Variants in CHRM3 observed in about 807,000 individuals in gnomAD.
CHRM3 encodes muscarinic acetylcholine receptor M3.
In CHRM3, 11 loss-of-function variants were observed where a neutral mutation model predicts 41.8. That is an observed-to-expected ratio of 0.26 (90% CI 0.17 to 0.44). The LOEUF is 0.44. Among genes scored for constraint, CHRM3 ranks in the 20% least tolerant of loss-of-function variants. The probability of loss-of-function intolerance (pLI) is 1.00; values close to 1 mark genes in which losing one functional copy is unlikely to be tolerated. For synonymous variants in CHRM3, 297 were observed against 301.4 expected, an observed-to-expected ratio of 0.99 and a Z score of 0.15; for missense variants, 571 against 745.4, an observed-to-expected ratio of 0.77 and a Z score of 2.72.
At chr1:239,510,183 A>C (rs1380266984) in intron 2 of CHRM3, among the ~76,000 whole-genome samples, 1 of 152,226 alleles carries the variant, frequency 6.6e-6, no homozygotes, top group Non-Finnish European at 1.5e-5. Flanking sequence ...GTTGACATTT[A>C]AGATTGATTC....
At position 239,714,208 on chromosome 1, in the gene CHRM3, C is replaced by G. The variant is rs553476921; in HGVS notation, c.-147+35920C>G. On this transcript the variant is annotated intron_variant, in intron 5 of 6. Coordinates refer to ENST00000676153, the MANE Select transcript of CHRM3 (RefSeq NM_001375978.1). ...AGCACAGCCAGCATGCCATGAGCTC[C>G]TGAGTGTGCAGTGGTGAACAAGAAT... The G allele has an allele frequency of 2.0e-5, 3 of 152,266 alleles. No homozygotes were observed. In the South Asian group the frequency reaches 6.2e-4, roughly 32 times the overall value. The allele number at this position is 152,266 out of a possible 1,614,324, so 9.4% of individuals were successfully genotyped here. A position where few individuals can be genotyped will look rare whatever the true frequency, so the allele number is the denominator to read the frequency against.
intron 3 of CHRM3, among the ~76,000 whole-genome samples, chr1:239,595,518 T>A (rs1361335111): frequency 6.6e-6 from 1 of 152,236 alleles, no homozygotes; most frequent in Non-Finnish European, 1.5e-5. Flanking sequence ...TTGGATTTAT[T>A]TAAGTATTTG....
chr1:239,784,834 C>A (rs1668768819), intron 5 of CHRM3, among the ~76,000 whole-genome samples: 1 of 152,158 alleles, frequency 6.6e-6, no homozygotes, highest in Admixed American at 6.6e-5. Context: ...TCTTTCTCCT[C>A]CCTTGACACA....
intron 6 of CHRM3, among the ~76,000 whole-genome samples, chr1:239,829,785 A>G (rs1672755896): frequency 6.6e-6 from 1 of 152,128 alleles, no homozygotes; most frequent in African/African-American, 2.4e-5. Context: ...CAATTTCCCT[A>G]TCTCTAAAAT....
intron 1 of CHRM3, among the ~76,000 whole-genome samples, chr1:239,443,361 G>A (rs981662648): frequency 2.6e-5 from 4 of 152,046 alleles, no homozygotes; most frequent in African/African-American, 9.7e-5. Flanking sequence ...TACTGTTTGC[G>A]AAGGGAAGCT....
Position 239,909,322 on chromosome 1 carries a change from A to G in CHRM3, c.*98A>G. 1 of 1,299,042 alleles carries G rather than the reference A, an allele frequency of 7.7e-7. No individual in the cohort carries two copies. The highest frequency in any genetic ancestry group is 1.1e-6 in the Non-Finnish European group (1 of 950,516). The allele number at this position is 1,299,042 out of a possible 1,614,324, so 80.5% of individuals were successfully genotyped here. A position where few individuals can be genotyped will look rare whatever the true frequency, so the allele number is the denominator to read the frequency against. The stretch of plus-strand genomic sequence containing the variant: ...GCGGGGTGACTTCTGGTGATGATAA[A>G]AATGGTTTTATCACCCAGATGTGAA... On this transcript the variant is annotated 3_prime_UTR_variant, in exon 7 of 7. Coordinates refer to ENST00000676153, the MANE Select transcript of CHRM3 (RefSeq NM_001375978.1).
chr1:239,850,615 A>G (rs2790325), intron 6 of CHRM3, among the ~76,000 whole-genome samples: 147,048 of 152,214 alleles, frequency 0.97, 71,250 homozygotes, highest in East Asian at 1. Flanking sequence ...CCCAAATCTC[A>G]TCTTGAATCG....
intron 4 of CHRM3, among the ~76,000 whole-genome samples, chr1:239,663,763 T>G (rs1466130265): frequency 6.6e-6 from 1 of 152,204 alleles, no homozygotes; most frequent in Non-Finnish European, 1.5e-5. Context: ...CACTATTCCT[T>G]TAGACACTTT....
intron 6 of CHRM3, among the ~76,000 whole-genome samples, chr1:239,874,308 T>TATATATATATCTATATACACAGTATATAG (rs1558199250): frequency 7.9e-6 from 1 of 127,210 alleles, no homozygotes; most frequent in African/African-American, 3.5e-5. Context: ...TATATATATA[T>TATATATATATCTATATACACAGTATATAG]ATATATATAT....
chr1:239,826,967 C>G (rs1229377206), intron 5 of CHRM3: 2 of 152,094 alleles, frequency 1.3e-5, no homozygotes, highest in Non-Finnish European at 2.9e-5. Context: ...AATATACTCC[C>G]TAGAGATACT....
At position 239,602,127 on chromosome 1, in the gene CHRM3, T is replaced by TATATATATATATAC. The variant is rs1553337693; in HGVS notation, c.-312-30084_-312-30083insCATATATATATATA. Among the ~76,000 whole-genome samples, 727 of 132,608 alleles carry TATATATATATATAC rather than the reference T, an allele frequency of 5.5e-3. 4 individuals carry two copies. The highest frequency in any genetic ancestry group is 9.4e-3 in the Non-Finnish European group (584 of 61,856). 87.0% of individuals were successfully genotyped at this position (132,608 alleles called of 152,430 possible). A position where few individuals can be genotyped will look rare whatever the true frequency, so the allele number is the denominator to read the frequency against. On this transcript the variant is annotated intron_variant, in intron 3 of 6. Transcript: ENST00000676153. ...GTGTGTGTGTATATATATATATATA[T>TATATATATATATAC]ATATATATATATAATTTTGTTTTTT...
chr1:239,499,841 A>G (rs1668110013), intron 2 of CHRM3, among the ~76,000 whole-genome samples: 2 of 152,150 alleles, frequency 1.3e-5, no homozygotes, highest in Admixed American at 6.6e-5. Flanking sequence ...AGCCTCCTCA[A>G]ACAAAACAAT....
At chr1:239,473,772 T>G (rs556373138) in intron 1 of CHRM3, among the ~76,000 whole-genome samples, 1 of 152,140 alleles carries the variant, frequency 6.6e-6, no homozygotes, top group African/African-American at 2.4e-5. Flanking sequence ...AAGAGGAATT[T>G]TCAGAGACAC....
Position 239,873,020 on chromosome 1 carries a change from A to G in CHRM3, c.-19-34413A>G, listed in dbSNP as rs376980923. Among the ~76,000 whole-genome samples the G allele has an allele frequency of 1.9e-4, 29 of 152,234 alleles. 1 individual carries two copies. The East Asian group carries it at 3.9e-3, about 20-fold the overall frequency. ...CGAGTGTACTTTTGAAATGACCCCA[A>G]TACAGAAATTGCTAGGGAAGCACAG... On this transcript the variant is annotated intron_variant, in intron 6 of 6. Transcript: ENST00000676153.
At chr1:239,647,401 A>G (rs796356286) in intron 4 of CHRM3, among the ~76,000 whole-genome samples, 7 of 151,630 alleles carry the variant, frequency 4.6e-5, no homozygotes, top group African/African-American at 1.7e-4. Flanking sequence ...ATTCGAAGGA[A>G]CCTCTCTTTT....
chr1:239,645,265 C>A (rs1046093543), intron 4 of CHRM3, among the ~76,000 whole-genome samples: 2 of 152,204 alleles, frequency 1.3e-5, no homozygotes, highest in African/African-American at 4.8e-5. Context: ...ACACTGTAGT[C>A]TGAGGGTACT....
At chr1:239,795,567 G>A (rs1007582679) in intron 5 of CHRM3, among the ~76,000 whole-genome samples, 3 of 152,074 alleles carry the variant, frequency 2.0e-5, no homozygotes, top group Non-Finnish European at 2.9e-5. Context: ...ATACATGTCC[G>A]TTAAAGACAG....
intron 3 of CHRM3, among the ~76,000 whole-genome samples, chr1:239,598,901 C>G: frequency 1.3e-5 from 2 of 151,362 alleles, no homozygotes; most frequent in Non-Finnish European, 2.9e-5. Flanking sequence ...GAGGCCACCA[C>G]GCATGGACGC....
At chr1:239,395,854 T>A (rs1441366356) in intron 1 of CHRM3, among the ~76,000 whole-genome samples, 1 of 152,232 alleles carries the variant, frequency 6.6e-6, no homozygotes, top group Non-Finnish European at 1.5e-5. Flanking sequence ...CCAAATGTGA[T>A]CATCTTTCTC....
Sources: allele counts gnomAD v4.1 joint callset (sites outside exome capture counted in the v4.1 genomes callset), GRCh38; gene constraint gnomAD v4.1.1; transcripts MANE v1.5; gene names NCBI Gene and HGNC (gene_info 2026-07-23, HGNC 2026-07-21).